Variants in ZDHHC7 observed in about 807,000 individuals in gnomAD.
ZDHHC7 encodes zDHHC palmitoyltransferase 7.
ZDHHC7 carries 12 observed loss-of-function variants against 34.1 expected under a neutral mutation model. The observed-to-expected ratio is 0.35, with a 90% CI of 0.23 to 0.57. ZDHHC7 has a LOEUF of 0.57. Among genes scored for constraint, ZDHHC7 ranks in the 20% least tolerant of loss-of-function variants. ZDHHC7 has a pLI of 0.84. For missense variants in ZDHHC7, 388 were observed against 402.7 expected (o/e 0.96, Z 0.31); for synonymous variants, 185 against 155.4 (o/e 1.19, Z -1.42).
At chr16:84,985,952 CAAA>C (rs58315276) in intron 3 of ZDHHC7, among the ~76,000 whole-genome samples, 3 of 54,026 alleles carry the variant, frequency 5.6e-5, no homozygotes, top group African/African-American at 2.1e-4. Flanking sequence ...GAGACTGTCT[CAAA>C]AAAAAAAAAA....
chr16:84,977,989 G>A lies in ZDHHC7; in HGVS notation c.554C>T (p.Ser185Phe). ...FVLFTMYIAL[S>F]SVHALILCGF... ...ACAAAGGATCAGAGCATGGACTGAAGACAGAGCTATATACATCTAGAATGA... is the reference window on the plus strand; with the variant it reads ...ACAAAGGATCAGAGCATGGACTGAAAACAGAGCTATATACATCTAGAATGA... The change falls in exon 6 of 8, where the codon TCT (serine) becomes TTT (phenylalanine). Residue 185 changes from serine (S) to phenylalanine (F), a missense_variant. By Grantham distance (155) the Ser-to-Phe change is radical. Coordinates refer to ENST00000313732, the MANE Select transcript of ZDHHC7 (RefSeq NM_017740.3). The A allele has an allele frequency of 1.2e-6, 2 of 1,613,704 alleles. No individual in the cohort carries two copies. The highest frequency in any genetic ancestry group is 2.2e-5 in the East Asian group (1 of 44,876).
chr16:85,024,295 G>A, the ZDHHC7 span, among the ~76,000 whole-genome samples: 1 of 141,716 alleles, frequency 7.1e-6, no homozygotes, highest in African/African-American at 2.6e-5. Context: ...GCAATGGCAC[G>A]ATCTCGGCTC....
intron 3 of ZDHHC7, 34 bp downstream of exon 3, chr16:84,990,270 A>G (rs746670833): frequency 6.2e-7 from 1 of 1,602,678 alleles, no homozygotes; most frequent in Non-Finnish European, 8.5e-7. Context: ...GACCAGACAC[A>G]AGAGAGCCAC....
chr16:84,981,002 C>A (rs1455770691), intron 4 of ZDHHC7, among the ~76,000 whole-genome samples: 1 of 152,226 alleles, frequency 6.6e-6, no homozygotes, highest in Non-Finnish European at 1.5e-5. Flanking sequence ...CCATCAATGG[C>A]TTCCAGCCTA....
intron 3 of ZDHHC7, 152 bp downstream of exon 3, chr16:84,990,152 G>C (rs1156732461): frequency 3.3e-6 from 3 of 901,450 alleles, no homozygotes; most frequent in Non-Finnish European, 5.0e-6. Context: ...AGCCTAAAGG[G>C]AATCTGCTCC....
In ZDHHC7 at chr16:84,974,720, C is replaced by T. The variant is rs1567488787; in HGVS notation, c.*1623G>A. ...ACTGGCGTCTCCAGGATCACCCACACTTTGTCCCTCTGGCTGTGACGCAGC... is the reference window on the plus strand; with the variant it reads ...ACTGGCGTCTCCAGGATCACCCACATTTTGTCCCTCTGGCTGTGACGCAGC... On this transcript the variant is annotated 3_prime_UTR_variant, in exon 8 of 8. Transcript: ENST00000313732. 6.5e-6 allele frequency: 1 copy of T among 152,688 alleles called. No homozygotes were observed. Among genetic ancestry groups the T allele is most frequent in the Non-Finnish European group, 1.5e-5 (1 of 68,054 alleles). 9.5% of individuals were successfully genotyped at this position (152,688 alleles called of 1,614,324 possible). A position where few individuals can be genotyped will look rare whatever the true frequency, so the allele number is the denominator to read the frequency against.
At chr16:84,980,297 G>A (rs62050771) in intron 4 of ZDHHC7, among the ~76,000 whole-genome samples, 18,945 of 151,716 alleles carry the variant, frequency 0.12, 1,274 homozygotes, top group Middle Eastern at 0.18. Context: ...CATTGACCTT[G>A]GCTCCCTGCC....
the ZDHHC7 span, among the ~76,000 whole-genome samples, chr16:85,019,825 C>G: frequency 6.6e-6 from 1 of 152,280 alleles, no homozygotes; most frequent in Non-Finnish European, 1.5e-5. Context: ...CAAACAGGAC[C>G]AGAGAGGTTG....
intron 2 of ZDHHC7, among the ~76,000 whole-genome samples, chr16:84,994,916 C>G (rs1304740148): frequency 6.6e-6 from 1 of 152,178 alleles, no homozygotes; most frequent in African/African-American, 2.4e-5. Context: ...ACTCGTGTCT[C>G]TGAGTCACTG....
intron 1 of ZDHHC7, among the ~76,000 whole-genome samples, chr16:85,006,288 G>A (rs746204187): frequency 3.3e-5 from 5 of 152,126 alleles, no homozygotes; most frequent in African/African-American, 9.7e-5. Flanking sequence ...GAGCCCAGGC[G>A]TTCAAGGCTG....
chr16:85,016,270 C>A (rs890737949), upstream of ZDHHC7, among the ~76,000 whole-genome samples: 2 of 152,060 alleles, frequency 1.3e-5, no homozygotes, highest in Non-Finnish European at 2.9e-5. Context: ...GATCCTTCCA[C>A]CTCAGCCTCC....
chr16:84,989,641 G>A (rs978014462), intron 3 of ZDHHC7, among the ~76,000 whole-genome samples: 3 of 135,220 alleles, frequency 2.2e-5, no homozygotes, highest in Non-Finnish European at 4.5e-5. Context: ...GTTGCAGTGA[G>A]CCAAGATCGC....
chr16:85,004,003 G>A (rs1483371877), intron 1 of ZDHHC7, among the ~76,000 whole-genome samples: 1 of 152,072 alleles, frequency 6.6e-6, no homozygotes, highest in African/African-American at 2.4e-5. Context: ...AGGAGCTAAT[G>A]GGGAACCTCA....
At position 84,990,507 on chromosome 16, in the gene ZDHHC7, G is replaced by T; in HGVS notation, c.112C>A (p.Arg38=). ...CAGCCGTCACGGATGAACCAGACCC[G>T]GTCAGCCACGTCAGCCTCGGAGGAG... ...SSSSEADVAD[R]VWFIRDGCGM... is the part of the protein sequence containing the mutation. The change falls in exon 3 of 8, where the codon CGG becomes AGG. Residue 38 remains arginine, a synonymous_variant. Coordinates refer to ENST00000313732, the MANE Select transcript of ZDHHC7 (RefSeq NM_017740.3). The T allele has an allele frequency of 6.2e-7, 1 of 1,614,128 alleles. No homozygotes were observed. The highest frequency in any genetic ancestry group is 8.5e-7 in the Non-Finnish European group (1 of 1,180,028).
At chr16:85,009,844 G>C (rs1435860940) in intron 1 of ZDHHC7, among the ~76,000 whole-genome samples, 2 of 151,660 alleles carry the variant, frequency 1.3e-5, no homozygotes, top group African/African-American at 4.8e-5. Context: ...GAGTAGCTGG[G>C]ACTACAGGCG....
At chr16:84,985,361 C>A (rs1436592116) in intron 3 of ZDHHC7, among the ~76,000 whole-genome samples, 1 of 152,242 alleles carries the variant, frequency 6.6e-6, no homozygotes, top group Admixed American at 6.5e-5. Flanking sequence ...TCCACCCCAG[C>A]TCCCTGTCAT....
At position 84,978,017 on chromosome 16, in the gene ZDHHC7, G is replaced by A; in HGVS notation, c.538-12C>T. ...AGAGCTATATACATCTAGAATGAGG[G>A]GGAGATTGGTTAGTCACTTTTATTT... On this transcript the variant is annotated splice_polypyrimidine_tract_variant and intron_variant, in intron 5 of 7. Coordinates refer to ENST00000313732, the MANE Select transcript of ZDHHC7 (RefSeq NM_017740.3). The A allele has an allele frequency of 6.3e-7, 1 of 1,587,410 alleles. No individual in the cohort carries two copies. The highest frequency in any genetic ancestry group is 1.1e-5 in the South Asian group (1 of 88,688).
upstream of ZDHHC7, among the ~76,000 whole-genome samples, chr16:85,015,972 A>C (rs2072832465): frequency 6.6e-6 from 1 of 152,196 alleles, no homozygotes; most frequent in Non-Finnish European, 1.5e-5. Flanking sequence ...CATCAGTCTT[A>C]AGATCTCTGT....
chr16:84,984,218 G>A (rs1597537449), intron 3 of ZDHHC7, among the ~76,000 whole-genome samples: 3 of 151,688 alleles, frequency 2.0e-5, no homozygotes, highest in South Asian at 2.1e-4. Context: ...ACGGGGTTTC[G>A]CCGTGTTGGC....
Sources: gnomAD v4.1 joint callset for allele counts (sites outside exome capture counted in the v4.1 genomes callset) on GRCh38, gnomAD v4.1.1 for gene constraint, MANE v1.5 for transcripts, NCBI Gene and HGNC (gene_info 2026-07-23, HGNC 2026-07-21) for gene names.